Variants in THSD4 observed in about 807,000 individuals in gnomAD.
The protein encoded by THSD4 is thrombospondin type 1 domain containing 4.
A neutral mutation model predicts 119.0 loss-of-function variants in THSD4; 69 were observed. That is an observed-to-expected ratio of 0.58 (90% confidence interval 0.48 to 0.71). THSD4 has a LOEUF of 0.71. THSD4 is among the 30% of genes least tolerant of loss of function. The pLI, the probability that THSD4 is intolerant of heterozygous loss-of-function variation, is 0.00. For synonymous variants in THSD4, 524 were observed against 540.4 expected (o/e 0.97, Z 0.42); for missense variants, 1,393 against 1,391.1 (o/e 1.00, Z -0.02).
chr15:71,301,230 A>C (rs929928798), intron 6 of THSD4, among the ~76,000 whole-genome samples: 8 of 152,198 alleles, frequency 5.3e-5, no homozygotes, highest in African/African-American at 1.9e-4. Flanking sequence ...TGTTCTACAC[A>C]TTATTTAATT....
intron 4 of THSD4, among the ~76,000 whole-genome samples, chr15:71,217,154 A>G (rs925405866): frequency 6.6e-6 from 1 of 152,218 alleles, no homozygotes; most frequent in African/African-American, 2.4e-5. Context: ...AGAACTGCCC[A>G]GATTTTAGAA....
At chr15:71,677,702 ATAGT>A (rs1447108601) in intron 8 of THSD4, among the ~76,000 whole-genome samples, 8 of 152,058 alleles carry the variant, frequency 5.3e-5, no homozygotes, top group Non-Finnish European at 1.0e-4. Flanking sequence ...CTTTGTATTG[ATAGT>A]TAGCACCTAG....
chr15:71,112,212 TG>T (rs1376400495), upstream of THSD4: 5 of 1,613,356 alleles, frequency 3.1e-6, no homozygotes, highest in African/African-American at 6.7e-5. Context: ...TCTGTGGGTG[TG>T]GCTGTAGGCA....
At chr15:71,314,056 C>T (rs564827648) in intron 6 of THSD4, among the ~76,000 whole-genome samples, 12 of 152,054 alleles carry the variant, frequency 7.9e-5, no homozygotes, top group South Asian at 2.1e-4. Flanking sequence ...GAAAGTCCTG[C>T]GGCTTTTCTC....
intron 6 of THSD4, among the ~76,000 whole-genome samples, chr15:71,277,396 G>T (rs2044605716): frequency 6.6e-6 from 1 of 152,100 alleles, no homozygotes; most frequent in Non-Finnish European, 1.5e-5. Context: ...AAAGTGCTGG[G>T]ATTACAGGTG....
At chr15:71,170,062 T>C (rs1055224205) in intron 3 of THSD4, among the ~76,000 whole-genome samples, 3 of 152,098 alleles carry the variant, frequency 2.0e-5, no homozygotes, top group Admixed American at 2.0e-4. Flanking sequence ...TAATCCCAGC[T>C]ACTCGGGAAG....
At chr15:71,144,832 A>G (rs1363973703) in intron 2 of THSD4, among the ~76,000 whole-genome samples, 2 of 152,210 alleles carry the variant, frequency 1.3e-5, no homozygotes, top group Admixed American at 6.5e-5. Context: ...TTATCATTGA[A>G]TCTTGGACAA....
intron 7 of THSD4, among the ~76,000 whole-genome samples, chr15:71,620,839 G>A (rs1449149948): frequency 6.6e-6 from 1 of 152,140 alleles, no homozygotes; most frequent in Non-Finnish European, 1.5e-5. Context: ...CTCAGGTGGG[G>A]TAGAGGGTTA....
intron 7 of THSD4, among the ~76,000 whole-genome samples, chr15:71,564,694 G>GTAT (rs2049194416): frequency 6.5e-5 from 1 of 15,334 alleles, no homozygotes; most frequent in Admixed American, 5.2e-4. Context: ...ACAATATATA[G>GTAT]TATAACATAT....
intron 7 of THSD4, among the ~76,000 whole-genome samples, chr15:71,456,722 G>A (rs935026627): frequency 6.6e-6 from 1 of 152,076 alleles, no homozygotes; most frequent in African/African-American, 2.4e-5. Flanking sequence ...GAATGGGGAG[G>A]CAAAACTTCT....
At chr15:71,174,167 GCTC>G (rs1372654737) in intron 3 of THSD4, among the ~76,000 whole-genome samples, 2 of 152,174 alleles carry the variant, frequency 1.3e-5, no homozygotes, top group African/African-American at 4.8e-5. Flanking sequence ...AATAGGAACA[GCTC>G]CGGTCTACAG....
At chr15:71,558,243 G>A (rs192968524) in intron 7 of THSD4, among the ~76,000 whole-genome samples, 27 of 152,252 alleles carry the variant, frequency 1.8e-4, no homozygotes, top group Middle Eastern at 3.4e-3. Context: ...CAGGGGAATC[G>A]CTTGAACCCA....
intron 7 of THSD4, among the ~76,000 whole-genome samples, chr15:71,655,084 A>G (rs1386966677): frequency 6.6e-6 from 1 of 152,242 alleles, no homozygotes; most frequent in African/African-American, 2.4e-5. Context: ...TGCGATGTGT[A>G]AAATTTTCCT....
At chr15:71,165,183 T>C in intron 3 of THSD4, 1 of 1,579,900 alleles carries the variant, frequency 6.3e-7, no homozygotes, top group Middle Eastern at 1.8e-4. Context: ...TTGGGAGGGA[T>C]GTAGGTTTTC....
chr15:71,689,767 C>T (rs952885963), intron 8 of THSD4, among the ~76,000 whole-genome samples: 2 of 152,192 alleles, frequency 1.3e-5, no homozygotes, highest in Non-Finnish European at 2.9e-5. Context: ...ATGAAAGTGC[C>T]AGCACCTCTT....
At chr15:71,224,180 T>C (rs28393203) in intron 4 of THSD4, among the ~76,000 whole-genome samples, 1,856 of 152,214 alleles carry the variant, frequency 0.012, 45 homozygotes, top group African/African-American at 0.043. Context: ...CCTGGAGGCA[T>C]GAGTGAGCAT....
chr15:71,565,703 T>C (rs951563652), intron 7 of THSD4, among the ~76,000 whole-genome samples: 56 of 152,148 alleles, frequency 3.7e-4, no homozygotes, highest in Non-Finnish European at 1.3e-4. Flanking sequence ...AAACAAACAC[T>C]GAACTTGAGG....
intron 6 of THSD4, among the ~76,000 whole-genome samples, chr15:71,262,793 A>C (rs979103065): frequency 6.6e-6 from 1 of 152,256 alleles, no homozygotes; most frequent in South Asian, 2.1e-4. Flanking sequence ...ATGACTTAAC[A>C]TGACAAAAGC....
chr15:71,209,432 G>A (rs2043871234), intron 3 of THSD4, among the ~76,000 whole-genome samples: 2 of 152,206 alleles, frequency 1.3e-5, no homozygotes, highest in South Asian at 2.1e-4. Context: ...GAGAGTTTGT[G>A]TTAAAGTAGT....
Sources: allele counts gnomAD v4.1 joint callset (sites outside exome capture counted in the v4.1 genomes callset), GRCh38; gene constraint gnomAD v4.1.1; transcripts MANE v1.5; gene names NCBI Gene and HGNC (gene_info 2026-07-23, HGNC 2026-07-21).